AGPAT4: variants seen among roughly 807,000 people sequenced by gnomAD.
The protein encoded by AGPAT4 is 1-acyl-sn-glycerol-3-phosphate acyltransferase delta.
AGPAT4 carries 15 observed loss-of-function variants against 48.0 expected under a neutral mutation model. That is an observed-to-expected ratio of 0.31 (90% CI 0.21 to 0.48). The LOEUF is 0.48. AGPAT4 is among the 20% of genes least tolerant of loss of function. AGPAT4 has a pLI of 0.99. For synonymous variants in AGPAT4, 178 were observed against 198.7 expected, an observed-to-expected ratio of 0.90 and a Z score of 0.88; for missense variants, 314 against 482.5, an observed-to-expected ratio of 0.65 and a Z score of 3.27.
chr6:161,156,065 AACG>A (rs1779758809), intron 3 of AGPAT4, among the ~76,000 whole-genome samples: 1 of 152,172 alleles, frequency 6.6e-6, no homozygotes, highest in South Asian at 2.1e-4. Context: ...GCTAAATGGA[AACG>A]ACAACTTTGA....
At chr6:161,187,987 A>C (rs922884280) in intron 2 of AGPAT4, among the ~76,000 whole-genome samples, 3 of 152,220 alleles carry the variant, frequency 2.0e-5, no homozygotes, top group Non-Finnish European at 4.4e-5. Flanking sequence ...TCCCTTATTG[A>C]AATGTAATTC....
chr6:161,130,995 G>A lies in AGPAT4; in HGVS notation c.*5545C>T, dbSNP rs763311373. The A allele has an allele frequency of 6.5e-5, 31 of 473,604 alleles. No homozygotes were observed. The highest frequency in any genetic ancestry group is 1.1e-4 in the Non-Finnish European group (26 of 230,596). 29.3% of individuals were successfully genotyped at this position (473,604 alleles called of 1,614,324 possible). ...GAATAGAAAAGGAAAAGTGACATTTGTGTAATTTATTTTGGAAATGCAAAG... is the reference window on the plus strand; with the variant it reads ...GAATAGAAAAGGAAAAGTGACATTTATGTAATTTATTTTGGAAATGCAAAG... On this transcript the variant is annotated 3_prime_UTR_variant, in exon 9 of 9. Coordinates refer to ENST00000320285, the MANE Select transcript of AGPAT4 (RefSeq NM_020133.3).
rs1781587126 is a variant in AGPAT4 at position 161,214,240 on chromosome 6, T to C, written c.178+17796A>G. The stretch of plus-strand genomic sequence containing the variant: ...TGATGTCTCGTGTCTCTCTAAAATG[T>C]ATAAAACCAAGCTGTGCTTTGACCA... On this transcript the variant is annotated intron_variant, in intron 2 of 8. Transcript: ENST00000320285. This position sits in a 1 kb window ranked among gnomAD's most constrained non-coding sequence, Gnocchi z 5.4. Among the ~76,000 whole-genome samples the C allele has an allele frequency of 6.6e-6, 1 of 152,186 alleles. No homozygotes were observed. The highest frequency in any genetic ancestry group is 1.5e-5 in the Non-Finnish European group (1 of 68,038).
At chr6:161,175,966 C>T (rs183878166) in intron 2 of AGPAT4, among the ~76,000 whole-genome samples, 1 of 152,256 alleles carries the variant, frequency 6.6e-6, no homozygotes, top group East Asian at 1.9e-4. Flanking sequence ...TTTCTTAATC[C>T]TGAGTTCTAG....
rs1471193801 is a variant in AGPAT4 at position 161,242,836 on chromosome 6, G to T, written c.-89-10534C>A. Among the ~76,000 whole-genome samples the T allele has an allele frequency of 6.6e-6, 1 of 152,152 alleles. No individual in the cohort carries two copies. The highest frequency in any genetic ancestry group is 1.5e-5 in the Non-Finnish European group (1 of 68,028). ...CTGTCATCCCAGCACTTTGGGAGGG[G>T]GTGGGTGGCTCACCTGAGGTCAGGA... On this transcript the variant is annotated intron_variant, in intron 1 of 8. Transcript: ENST00000320285. The surrounding 1 kb of genome is among the most constrained non-coding windows in gnomAD (Gnocchi z 5.0).
rs897905092 is a variant in AGPAT4, at chr6:161,171,023, A to C, written c.179-4606T>G. Among the ~76,000 whole-genome samples the C allele has an allele frequency of 1.3e-5, 2 of 152,212 alleles. No individual in the cohort carries two copies. Among genetic ancestry groups the C allele is most frequent in the African/African-American group, 4.8e-5 (2 of 41,450 alleles). ...AAAGGACATATTATTTAGAACCTCCAATTTAACTCAGAAAGTTACCAGTGG... is the reference window on the plus strand; with the variant it reads ...AAAGGACATATTATTTAGAACCTCCCATTTAACTCAGAAAGTTACCAGTGG... On this transcript the variant is annotated intron_variant, in intron 2 of 8. Transcript: ENST00000320285. The surrounding 1 kb of genome is among the most constrained non-coding windows in gnomAD (Gnocchi z 4.4).
In AGPAT4 at chr6:161,232,337, A is replaced by G; in HGVS notation, c.-89-35T>C. The G allele has an allele frequency of 1.0e-6, 1 of 958,808 alleles. No individual in the cohort carries two copies. The highest frequency in any genetic ancestry group is 1.5e-6 in the Non-Finnish European group (1 of 661,704). 59.4% of individuals were successfully genotyped at this position (958,808 alleles called of 1,614,324 possible). A position where few individuals can be genotyped will look rare whatever the true frequency, so the allele number is the denominator to read the frequency against. ...AAACAAATAGGAAATGTTAGCAAAAACACGATGTGCTTTTAGAGTCAGAAA... is the reference window on the plus strand; with the variant it reads ...AAACAAATAGGAAATGTTAGCAAAAGCACGATGTGCTTTTAGAGTCAGAAA... On this transcript the variant is annotated intron_variant, in intron 1 of 8. Transcript: ENST00000320285. The surrounding 1 kb of genome is among the most constrained non-coding windows in gnomAD (Gnocchi z 6.8).
Position 161,197,056 on chromosome 6 carries a change from T to G in AGPAT4, c.179-30639A>C, listed in dbSNP as rs1781090227. Among the ~76,000 whole-genome samples, 1 of 152,144 alleles carries G rather than the reference T, an allele frequency of 6.6e-6. No individual in the cohort carries two copies. Among genetic ancestry groups the G allele is most frequent in the African/African-American group, 2.4e-5 (1 of 41,420 alleles). On this transcript the variant is annotated intron_variant, in intron 2 of 8. Coordinates refer to ENST00000320285, the MANE Select transcript of AGPAT4 (RefSeq NM_020133.3). This position sits in a 1 kb window ranked among gnomAD's most constrained non-coding sequence, Gnocchi z 5.7. ...ATAGAAGCGCACAAGAGGTGAGTGC[T>G]TTACAGGAAAATGACACCAACCACT...
rs1016194845 is a variant in AGPAT4 at position 161,132,307 on chromosome 6, CTTATA to C, written c.*4228_*4232del. ...TTCTTGTCCACACAGCCACCATATC[CTTATA>C]TAGATGGGGAAAAATCCAGAAAAGG... On this transcript the variant is annotated 3_prime_UTR_variant, in exon 9 of 9. Transcript: ENST00000320285. 2 of 152,184 alleles carry C rather than the reference CTTATA, an allele frequency of 1.3e-5. No homozygotes were observed. The highest frequency in any genetic ancestry group is 4.8e-5 in the African/African-American group (2 of 41,438). The allele number at this position is 152,184 out of a possible 1,614,324, so 9.4% of individuals were successfully genotyped here. A position where few individuals can be genotyped will look rare whatever the true frequency, so the allele number is the denominator to read the frequency against.
intron 2 of AGPAT4, among the ~76,000 whole-genome samples, chr6:161,187,569 T>C (rs1187078597): frequency 6.6e-6 from 1 of 151,832 alleles, no homozygotes; most frequent in Admixed American, 6.6e-5. Context: ...AGGGAGGGTC[T>C]CACTGTCTCG....
intron 1 of AGPAT4, among the ~76,000 whole-genome samples, chr6:161,253,900 T>C (rs1782872381): frequency 6.6e-6 from 1 of 152,174 alleles, no homozygotes; most frequent in Non-Finnish European, 1.5e-5. Flanking sequence ...ACATTCACAT[T>C]ACTCCCAATT....
In AGPAT4 at chr6:161,273,989, G is replaced by A. The variant is rs1783521495; in HGVS notation, c.-141C>T. The A allele has an allele frequency of 6.6e-6, 1 of 152,068 alleles. No homozygotes were observed. Among genetic ancestry groups the A allele is most frequent in the Non-Finnish European group, 1.5e-5 (1 of 68,058 alleles). 9.4% of individuals were successfully genotyped at this position (152,068 alleles called of 1,614,324 possible). The stretch of plus-strand genomic sequence containing the variant: ...GGACTTAGAAACCAGAAGCTGAGAT[G>A]GAGCCGGCTGGGTTCAGAAATTGCC... On this transcript the variant is annotated 5_prime_UTR_variant, in exon 1 of 9. Coordinates refer to ENST00000320285, the MANE Select transcript of AGPAT4 (RefSeq NM_020133.3).
At position 161,215,722 on chromosome 6, in the gene AGPAT4, A is replaced by AG. The variant is rs558728179; in HGVS notation, c.178+16313dup. Among the ~76,000 whole-genome samples, 5 of 151,164 alleles carry AG rather than the reference A, an allele frequency of 3.3e-5. No homozygotes were observed. The highest frequency in any genetic ancestry group is 1.2e-4 in the African/African-American group (5 of 41,284). On this transcript the variant is annotated intron_variant, in intron 2 of 8. Transcript: ENST00000320285. The surrounding 1 kb of genome is among the most constrained non-coding windows in gnomAD (Gnocchi z 4.5). ...TCCCTTACCATAAAAAAAAAAAAAAAGAAAACACAAAAACACAAGATCCAA... is the reference window on the plus strand; with the variant it reads ...TCCCTTACCATAAAAAAAAAAAAAAAGGAAAACACAAAAACACAAGATCCAA...
In AGPAT4 at chr6:161,166,357, C is replaced by T. The variant is rs773798140; in HGVS notation, c.239G>A (p.Arg80His). 34 of 1,614,038 alleles carry T rather than the reference C, an allele frequency of 2.1e-5. No homozygotes were observed. Among genetic ancestry groups the T allele is most frequent in the Middle Eastern group, 3.3e-4 (2 of 6,054 alleles). The change falls in exon 3 of 9, where the codon CGC becomes CAC. Residue 80 changes from arginine to histidine, a missense_variant. Transcript: ENST00000320285. The surrounding 1 kb of genome is among the most constrained non-coding windows in gnomAD (Gnocchi z 6.7). ...GTECTIFTDP[R>H]AYLKYGKENA... The stretch of plus-strand genomic sequence containing the variant: ...TTCCTTCCCATACTTGAGGTAGGCG[C>T]GCGGGTCCGTGAAGATGGTGCATTC...
At position 161,165,769 on chromosome 6, in the gene AGPAT4, ACT is replaced by A. The variant is rs201950936; in HGVS notation, c.348+477_348+478del. ...AGAATAATTCTGAATTTTGCAGTTC[ACT>A]CTCTCACTTATGGACTCAAAGTTCT... On this transcript the variant is annotated intron_variant, in intron 3 of 8. Transcript: ENST00000320285. This position sits in a 1 kb window ranked among gnomAD's most constrained non-coding sequence, Gnocchi z 5.5. The A allele has an allele frequency of 0.051, 32,304 of 634,214 alleles. 1,246 individuals are homozygous for A. Among genetic ancestry groups the A allele is most frequent in the Non-Finnish European group, 0.059 (21,667 of 369,272 alleles). The allele number at this position is 634,214 out of a possible 1,614,324, so 39.3% of individuals were successfully genotyped here. A position where few individuals can be genotyped will look rare whatever the true frequency, so the allele number is the denominator to read the frequency against.
rs373977707 is a variant in AGPAT4, at chr6:161,238,326, C to T, written c.-89-6024G>A. The stretch of plus-strand genomic sequence containing the variant: ...GAAACACTTGCCAGGATGCCTGGAA[C>T]GGGGAAAACCCCAAGTAATGGGGGA... On this transcript the variant is annotated intron_variant, in intron 1 of 8. Transcript: ENST00000320285. The surrounding 1 kb of genome is among the most constrained non-coding windows in gnomAD (Gnocchi z 5.2). Among the ~76,000 whole-genome samples the T allele has an allele frequency of 9.9e-5, 15 of 152,272 alleles. No individual in the cohort carries two copies. Among genetic ancestry groups the T allele is most frequent in the African/African-American group, 1.2e-4 (5 of 41,542 alleles).
At chr6:161,186,438 C>T (rs979089366) in intron 2 of AGPAT4, among the ~76,000 whole-genome samples, 15 of 152,112 alleles carry the variant, frequency 9.9e-5, no homozygotes, top group Admixed American at 7.9e-4. Context: ...ACACCACCGA[C>T]GGCCCCTGCA....
rs1782645048 is a variant in AGPAT4, at chr6:161,246,287, T to C, written c.-89-13985A>G. On this transcript the variant is annotated intron_variant, in intron 1 of 8. Transcript: ENST00000320285. This position sits in a 1 kb window ranked among gnomAD's most constrained non-coding sequence, Gnocchi z 5.5. ...TTCATTCGTCCACTGAGAAGTATAT[T>C]CATTCATTAGGTTCCCATCCAAGGA... Among the ~76,000 whole-genome samples the C allele has an allele frequency of 6.6e-6, 1 of 152,206 alleles. No homozygotes were observed. The highest frequency in any genetic ancestry group is 1.5e-5 in the Non-Finnish European group (1 of 68,036).
rs934614291 is a variant in AGPAT4 at position 161,178,951 on chromosome 6, A to T, written c.179-12534T>A. Among the ~76,000 whole-genome samples, 1 of 152,140 alleles carries T rather than the reference A, an allele frequency of 6.6e-6. No individual in the cohort carries two copies. The highest frequency in any genetic ancestry group is 2.4e-5 in the African/African-American group (1 of 41,432). ...GCCTGTTCTACAAACCCCACCTGGA[A>T]ATCTCACAGAGCTGGTGCCCAGTTC... On this transcript the variant is annotated intron_variant, in intron 2 of 8. Coordinates refer to ENST00000320285, the MANE Select transcript of AGPAT4 (RefSeq NM_020133.3). The surrounding 1 kb of genome is among the most constrained non-coding windows in gnomAD (Gnocchi z 5.1).
Sources: allele counts gnomAD v4.1 joint callset (sites outside exome capture counted in the v4.1 genomes callset), GRCh38; gene constraint gnomAD v4.1.1; non-coding constraint Gnocchi (gnomAD v3.1); transcripts MANE v1.5; gene names NCBI Gene and HGNC (gene_info 2026-07-23, HGNC 2026-07-21).